The following TMIGD1 variants were observed in gnomAD, a reference collection of about 807,000 sequenced individuals.
TMIGD1 encodes transmembrane and immunoglobulin domain-containing protein 1.
A neutral mutation model predicts 27.5 loss-of-function variants in TMIGD1; 29 were observed. The ratio of observed to expected loss-of-function variants is 1.05; its 90% CI spans 0.78 to 1.44. TMIGD1 has a LOEUF of 1.44. Among genes scored for constraint, TMIGD1 ranks in the 40% most tolerant of loss-of-function variants. The probability of loss-of-function intolerance (pLI) is 0.00; values close to 1 mark genes in which losing one functional copy is unlikely to be tolerated. For synonymous variants in TMIGD1, 109 were observed against 110.3 expected, an observed-to-expected ratio of 0.99 and a Z score of 0.07; for missense variants, 334 against 310.6, an observed-to-expected ratio of 1.08 and a Z score of -0.57.
chr17:30,316,807 C>A, intron 6 of TMIGD1, 117 bp from the exon 7 acceptor site: 1 of 920,262 alleles, frequency 1.1e-6, no homozygotes, highest in Non-Finnish European at 1.7e-6. Context: ...CTACCCACTT[C>A]ACATATGCTA....
At chr17:30,325,115 G>T in intron 3 of TMIGD1, 21 bp from the exon 4 acceptor site, 1 of 1,592,698 alleles carries the variant, frequency 6.3e-7, no homozygotes, top group Non-Finnish European at 8.6e-7. Context: ...CAAGCATTTA[G>T]ATTTAATTAG....
At chr17:30,323,292 T>C (rs574779957) in intron 4 of TMIGD1, among the ~76,000 whole-genome samples, 50 of 152,344 alleles carry the variant, frequency 3.3e-4, no homozygotes, top group African/African-American at 1.2e-3. Context: ...TTCCCTCCTA[T>C]ATTCATCATG....
intron 4 of TMIGD1, among the ~76,000 whole-genome samples, chr17:30,321,529 G>T (rs974622409): frequency 1.3e-5 from 2 of 152,206 alleles, no homozygotes; most frequent in African/African-American, 4.8e-5. Context: ...AGTGACTAAT[G>T]TGTGTTATGC....
intron 4 of TMIGD1, among the ~76,000 whole-genome samples, chr17:30,323,156 C>A (rs1046146160): frequency 1.3e-5 from 2 of 151,852 alleles, no homozygotes; most frequent in Non-Finnish European, 2.9e-5. Flanking sequence ...GGTGGCAGAG[C>A]GAGACCCTGT....
chr17:30,322,376 A>C (rs1221914963), intron 4 of TMIGD1, among the ~76,000 whole-genome samples: 1 of 152,204 alleles, frequency 6.6e-6, no homozygotes, highest in Admixed American at 6.5e-5. Flanking sequence ...ATATCAAAAC[A>C]AAGGGGAAGT....
chr17:30,332,344 A>C (rs552904328), intron 1 of TMIGD1, among the ~76,000 whole-genome samples, 186 bp from the exon 2 acceptor site: 20 of 152,326 alleles, frequency 1.3e-4, no homozygotes, highest in African/African-American at 4.3e-4. Context: ...AGTAGTAAGA[A>C]ATTTTTTTTA....
intron 2 of TMIGD1, among the ~76,000 whole-genome samples, chr17:30,330,995 C>T (rs1417479887): frequency 1.3e-5 from 2 of 152,070 alleles, no homozygotes; most frequent in Non-Finnish European, 2.9e-5. Flanking sequence ...AAGTTTGAGA[C>T]CAGCCTGGCC....
At chr17:30,319,180 G>A (rs891400252) in intron 4 of TMIGD1, among the ~76,000 whole-genome samples, 4 of 147,108 alleles carry the variant, frequency 2.7e-5, no homozygotes, top group African/African-American at 5.1e-5. Context: ...GAGGCGGGCA[G>A]ATCACTTGAC....
At chr17:30,329,585 A>C in intron 2 of TMIGD1, 56 bp from the exon 3 acceptor site, 105 of 1,461,754 alleles carry the variant, frequency 7.2e-5, no homozygotes, top group Middle Eastern at 2.4e-4. Flanking sequence ...CTTAATGCTC[A>C]TGAACAGGGG....
rs75736729 is a variant in TMIGD1, at chr17:30,327,973, A to C, written c.361+1278T>G. On this transcript the variant is annotated intron_variant, in intron 3 of 6. Coordinates refer to ENST00000328886, the MANE Select transcript of TMIGD1 (RefSeq NM_206832.3). ...AATGGGTTACCAATACCTGGAACCC[A>C]ATCATTGAAAAGCTTCACCTTTTTT... is the stretch of plus-strand genomic sequence containing the variant. 6.5e-3 allele frequency among the ~76,000 whole-genome samples: 990 copies of C among 152,206 alleles called. 6 individuals carry two copies. The highest frequency in any genetic ancestry group is 0.013 in the African/African-American group (521 of 41,546).
chr17:30,319,036 A>C, intron 4 of TMIGD1, 123 bp from the exon 5 acceptor site: 2 of 706,262 alleles, frequency 2.8e-6, no homozygotes, highest in Non-Finnish European at 4.9e-6. Context: ...AACAATCTCA[A>C]AAAGTAGGTA....
intron 5 of TMIGD1, 79 bp from the exon 6 acceptor site, chr17:30,317,312 G>C (rs1909447285): frequency 2.0e-6 from 3 of 1,518,410 alleles, no homozygotes; most frequent in African/African-American, 1.4e-5. Flanking sequence ...AAGATGGCTC[G>C]AGGACAGGTG....
rs761641603 is a variant in TMIGD1, at chr17:30,325,064, T to C, written c.392A>G (p.Gln131Arg). ...CACATTACTGCCTTCCTCAACTGTT[T>C]GGAAGTCGTTTCCACTTAGGAGAGG... ...FPPLLSGNDF[Q>R]TVEEGSNVKL... The change falls in exon 4 of 7, where the codon CAA becomes CGA. Residue 131 changes from glutamine (Q) to arginine (R), a missense_variant. Coordinates refer to ENST00000328886, the MANE Select transcript of TMIGD1 (RefSeq NM_206832.3). 1.9e-6 allele frequency: 3 copies of C among 1,613,744 alleles called. No homozygotes were observed. The highest frequency in any genetic ancestry group is 2.5e-6 in the Non-Finnish European group (3 of 1,179,742).
At chr17:30,321,973 T>G (rs1424838473) in intron 4 of TMIGD1, among the ~76,000 whole-genome samples, 3 of 152,090 alleles carry the variant, frequency 2.0e-5, no homozygotes, top group Non-Finnish European at 4.4e-5. Flanking sequence ...AGACTACCAG[T>G]GCGTGCCACC....
chr17:30,322,453 G>T (rs1415167227), intron 4 of TMIGD1, among the ~76,000 whole-genome samples: 3 of 152,166 alleles, frequency 2.0e-5, no homozygotes, highest in African/African-American at 7.2e-5. Flanking sequence ...TACCAAGCCA[G>T]ATAAAATGAA....
At chr17:30,324,791 G>A (rs1388886243) in intron 4 of TMIGD1, 25 bp downstream of exon 4, 3 of 1,610,682 alleles carry the variant, frequency 1.9e-6, no homozygotes, top group East Asian at 2.2e-5. Flanking sequence ...GCACTGTGCT[G>A]GGTATTACTT....
chr17:30,327,702 G>A (rs1567850715), intron 3 of TMIGD1, among the ~76,000 whole-genome samples: 2 of 151,884 alleles, frequency 1.3e-5, no homozygotes, highest in African/African-American at 2.4e-5. Flanking sequence ...TGGGGCTACA[G>A]ATGTGTGCCA....
intron 4 of TMIGD1, among the ~76,000 whole-genome samples, chr17:30,320,629 T>G (rs567646410): frequency 6.6e-6 from 1 of 152,288 alleles, no homozygotes; most frequent in African/African-American, 2.4e-5. Flanking sequence ...TTCAAAAATT[T>G]TATAGCAGAA....
chr17:30,320,259 A>G (rs914727150), intron 4 of TMIGD1, among the ~76,000 whole-genome samples: 2 of 151,966 alleles, frequency 1.3e-5, no homozygotes, highest in Non-Finnish European at 2.9e-5. Flanking sequence ...GATGGTCTCA[A>G]TCTCCTGACC....
Sources: gnomAD v4.1 joint callset for allele counts (sites outside exome capture counted in the v4.1 genomes callset) on GRCh38, gnomAD v4.1.1 for gene constraint, MANE v1.5 for transcripts, NCBI Gene and HGNC (gene_info 2026-07-23, HGNC 2026-07-21) for gene names.